The following AGRN variants were observed in gnomAD, a reference collection of about 807,000 sequenced individuals.
AGRN encodes agrin, also known as agrin proteoglycan.
Under a neutral mutation model 211.0 loss-of-function variants are expected in AGRN, and 106 were observed. That is an observed-to-expected ratio of 0.50 (90% CI 0.43 to 0.59). The LOEUF is 0.59. Among genes scored for constraint, AGRN ranks in the 20% least tolerant of loss-of-function variants. The pLI, the probability that AGRN is intolerant of heterozygous loss-of-function variation, is 0.00. For missense variants in AGRN, 3,040 were observed against 2,982.6 expected (o/e 1.02, Z -0.45); for synonymous variants, 1,525 against 1,332.5 (o/e 1.14, Z -3.15).
chr1:1,037,570 G>A (rs1644830827), intron 3 of AGRN, among the ~76,000 whole-genome samples: 1 of 152,228 alleles, frequency 6.6e-6, no homozygotes, highest in Admixed American at 6.5e-5. Context: ...GACCCGTCAC[G>A]CTGCGGGAGA....
chr1:1,020,128 C>T lies in AGRN; in HGVS notation c.-45C>T. The T allele has an allele frequency of 1.9e-6, 2 of 1,051,456 alleles. No individual in the cohort carries two copies. Among genetic ancestry groups the T allele is most frequent in the Non-Finnish European group, 2.5e-6 (2 of 809,464 alleles). 65.1% of individuals were successfully genotyped at this position (1,051,456 alleles called of 1,614,324 possible). A position where few individuals can be genotyped will look rare whatever the true frequency, so the allele number is the denominator to read the frequency against. ...TGCGTCCCGTCCTGTCCAGTCCCGT[C>T]CCCGGCGCGGCCCGCGCGCTCCTCC... is the stretch of plus-strand genomic sequence containing the variant. On this transcript the variant is annotated 5_prime_UTR_variant, in exon 1 of 36. Coordinates refer to ENST00000379370, the MANE Select transcript of AGRN (RefSeq NM_198576.4).
chr1:1,033,102 T>C (rs1644708709), intron 2 of AGRN, among the ~76,000 whole-genome samples: 1 of 151,806 alleles, frequency 6.6e-6, no homozygotes, highest in Non-Finnish European at 1.5e-5. Flanking sequence ...CGGAACGGCC[T>C]CTTGGGGGCG....
In AGRN at chr1:1,045,532, CA is replaced by C. The variant is rs1265349630; in HGVS notation, c.2536+10del. ...CCGGAGTGGCTGTACACGTGAGTGA[CA>C]GGGCCCAGGACTGGCCACCGGCTAT... On this transcript the variant is annotated intron_variant, in intron 14 of 35. Coordinates refer to ENST00000379370, the MANE Select transcript of AGRN (RefSeq NM_198576.4). 1 of 1,612,470 alleles carries C rather than the reference CA, an allele frequency of 6.2e-7. No individual in the cohort carries two copies. The highest frequency in any genetic ancestry group is 8.5e-7 in the Non-Finnish European group (1 of 1,179,846).
intron 35 of AGRN, 36 bp from the exon 36 acceptor site, chr1:1,054,788 G>A (rs756425498): frequency 1.3e-6 from 2 of 1,542,574 alleles, no homozygotes; most frequent in Non-Finnish European, 1.7e-6. Flanking sequence ...GCATCACTGA[G>A]TCACAGCCGG....
At chr1:1,033,934 C>G (rs1318530998) in intron 2 of AGRN, among the ~76,000 whole-genome samples, 1 of 151,742 alleles carries the variant, frequency 6.6e-6, no homozygotes, top group Non-Finnish European at 1.5e-5. Flanking sequence ...GCCGGGGTCC[C>G]TGGAGGCGGC....
intron 3 of AGRN, among the ~76,000 whole-genome samples, chr1:1,039,851 C>T (rs370030769): frequency 2.6e-5 from 4 of 151,824 alleles, no homozygotes; most frequent in African/African-American, 9.7e-5. Flanking sequence ...CCCCAGGGAT[C>T]CCAGGGAGCG....
chr1:1,045,159 A>G lies in AGRN; in HGVS notation c.2255-2A>G, dbSNP rs1570215870. 1 of 1,611,916 alleles carries G rather than the reference A, an allele frequency of 6.2e-7. No homozygotes were observed. Among genetic ancestry groups the G allele is most frequent in the Non-Finnish European group, 8.5e-7 (1 of 1,179,832 alleles). ...ATCTGAGTCCCGTACCCTTTCCTGC[A>G]GGCCCCACCTTCGCCCCGCTGCCGC... On this transcript the variant is annotated splice_acceptor_variant, in intron 12 of 35. Transcript: ENST00000379370. LOFTEE classifies it high-confidence loss of function.
Position 1,045,235 on chromosome 1 carries a change from A to G in AGRN, c.2329A>G (p.Asn777Asp), listed in dbSNP as rs777783441. 3 of 1,612,344 alleles carry G rather than the reference A, an allele frequency of 1.9e-6. No individual in the cohort carries two copies. Among genetic ancestry groups the G allele is most frequent in the South Asian group, 1.1e-5 (1 of 91,058 alleles). ...GACGCCCTACGGCTGCTGCCAGGAC[A>G]ATATCACCGCAGCCCGGGGCGTGGG... Reference protein sequence around the residue: ...AQTPYGCCQDNITAARGVGLA... With the variant: ...AQTPYGCCQDDITAARGVGLA... Residue 777 changes from asparagine (N) to aspartate (D), a missense_variant, in exon 13 of 36, where the codon AAT becomes GAT. Physicochemically the swap from Asn to Asp is conservative, Grantham distance 23. Transcript: ENST00000379370.
chr1:1,043,585 G>C lies in AGRN; in HGVS notation c.1651G>C (p.Gly551Arg). Residue 551 changes from glycine to arginine, a missense_variant, in exon 9 of 36, where the codon GGG becomes CGG. Around this residue, in one of 3 missense-constraint regions of AGRN, gnomAD observed 1,498 missense variants for 1,457.8 expected, o/e 1.03. Coordinates refer to ENST00000379370, the MANE Select transcript of AGRN (RefSeq NM_198576.4). ...RFGALCEAET[G>R]RCVCPSECVA... ...TGGAGCCCTGTGCGAGGCCGAGACC[G>C]GGCGCTGCGTGTGCCCCTCTGAATG... The C allele has an allele frequency of 1.2e-6, 2 of 1,605,114 alleles. No homozygotes were observed. The highest frequency in any genetic ancestry group is 1.7e-6 in the Non-Finnish European group (2 of 1,179,794).
chr1:1,044,284 C>G (rs760005820), intron 11 of AGRN, 27 bp downstream of exon 11: 2 of 1,612,234 alleles, frequency 1.2e-6, no homozygotes, highest in Non-Finnish European at 1.7e-6. Context: ...TGGCTCTCGG[C>G]GGGCGGCGGG....
At chr1:1,042,387 C>T (rs1401388989) in intron 7 of AGRN, among the ~76,000 whole-genome samples, 1 of 152,212 alleles carries the variant, frequency 6.6e-6, no homozygotes, top group Non-Finnish European at 1.5e-5. Flanking sequence ...TCCCTGGTCC[C>T]TGACCTCAGC....
At chr1:1,038,016 G>T (rs151314020) in intron 3 of AGRN, among the ~76,000 whole-genome samples, 1 of 152,294 alleles carries the variant, frequency 6.6e-6, no homozygotes, top group Non-Finnish European at 1.5e-5. Context: ...GCGGAGAATG[G>T]GGGGGTGGGG....
chr1:1,020,514 G>T (rs1481648563), intron 1 of AGRN, 141 bp downstream of exon 1: 1 of 764,446 alleles, frequency 1.3e-6, no homozygotes, highest in Non-Finnish European at 1.8e-6. Context: ...CCCGGGAGGG[G>T]GGGTCGCCGG....
At position 1,039,205 on chromosome 1, in the gene AGRN, G is replaced by A. The variant is rs559293673; in HGVS notation, c.512-1460G>A. ...GGTGGGAGAGTAGCAGAAGAGGGGT[G>A]GGGGCACAGCCAAGGTTTGGGGAGG... On this transcript the variant is annotated intron_variant, in intron 3 of 35. Coordinates refer to ENST00000379370, the MANE Select transcript of AGRN (RefSeq NM_198576.4). Among the ~76,000 whole-genome samples, 315 of 152,296 alleles carry A rather than the reference G, an allele frequency of 2.1e-3. 1 individual carries two copies. The highest frequency in any genetic ancestry group is 7.0e-3 in the African/African-American group (291 of 41,566).
chr1:1,035,430 G>A, intron 3 of AGRN, 106 bp downstream of exon 3: 2 of 1,444,584 alleles, frequency 1.4e-6, no homozygotes, highest in Non-Finnish European at 1.9e-6. Flanking sequence ...TCTGGAGTGA[G>A]GAGGAGGCTG....
rs748275891 is a variant in AGRN at position 1,049,285 on chromosome 1, G to A, written c.4348G>A (p.Glu1450Lys). Residue 1450 changes from glutamate (E) to lysine (K), a missense_variant, in exon 25 of 36, where the codon GAG becomes AAG. Coordinates refer to ENST00000379370, the MANE Select transcript of AGRN (RefSeq NM_198576.4). ...GGTGCTGACCAGTGCCGTGCCGGTAGAGCCGGGCCAGTGGCACCGCCTGGA... is the reference window on the plus strand; with the variant it reads ...GGTGCTGACCAGTGCCGTGCCGGTAAAGCCGGGCCAGTGGCACCGCCTGGA... ...PAVLTSAVPV[E>K]PGQWHRLELS... 1.4e-5 allele frequency: 23 copies of A among 1,596,488 alleles called. No homozygotes were observed. Among genetic ancestry groups the A allele is most frequent in the Non-Finnish European group, 2.0e-5 (23 of 1,178,426 alleles).
rs200232485 is a variant in AGRN, at chr1:1,049,280, C to T, written c.4343C>T (p.Pro1448Leu). Reference sequence around the variant, plus strand: ...CCGGCGGTGCTGACCAGTGCCGTGCCGGTAGAGCCGGGCCAGTGGCACCGC... The same window carrying T: ...CCGGCGGTGCTGACCAGTGCCGTGCTGGTAGAGCCGGGCCAGTGGCACCGC... ...SGPAVLTSAV[P>L]VEPGQWHRLE... Residue 1448 changes from proline to leucine, a missense_variant, in exon 25 of 36, where the codon CCG becomes CTG. This residue lies in a region of AGRN where 1,537 missense variants were observed against 1,505.0 expected (regional missense o/e 1.02). Coordinates refer to ENST00000379370, the MANE Select transcript of AGRN (RefSeq NM_198576.4). The T allele has an allele frequency of 1.0e-3, 1,633 of 1,595,692 alleles. 3 individuals carry two copies. Among genetic ancestry groups the T allele is most frequent in the Middle Eastern group, 2.6e-3 (16 of 6,050 alleles).
At chr1:1,040,522 GCGTGTC>G (rs964169728) in intron 3 of AGRN, 137 bp from the exon 4 acceptor site, 12 of 992,204 alleles carry the variant, frequency 1.2e-5, no homozygotes, top group Non-Finnish European at 1.8e-5. Flanking sequence ...GCGCACGCAC[GCGTGTC>G]CGTGTCCGTG....
intron 2 of AGRN, among the ~76,000 whole-genome samples, chr1:1,029,994 TGTGCA>T: frequency 9.8e-6 from 1 of 102,342 alleles, no homozygotes; most frequent in African/African-American, 4.0e-5. Flanking sequence ...TGTGTGTGTG[TGTGCA>T]GTGCATGGTG....
Sources: gnomAD v4.1 joint callset for allele counts (sites outside exome capture counted in the v4.1 genomes callset) on GRCh38, gnomAD v4.1.1 for gene constraint, gnomAD v4.1.1 regional missense constraint, MANE v1.5 for transcripts, NCBI Gene and HGNC (gene_info 2026-07-23, HGNC 2026-07-21) for gene names.